Variants in CD80 observed in about 807,000 individuals in gnomAD.
The protein encoded by CD80 is T-lymphocyte activation antigen CD80.
A neutral mutation model predicts 27.1 loss-of-function variants in CD80; 13 were observed. That is an observed-to-expected ratio of 0.48 (90% confidence interval 0.31 to 0.76). The LOEUF is 0.76. Among genes scored for constraint, CD80 ranks in the 30% least tolerant of loss-of-function variants. The pLI is 0.04. For missense variants in CD80, 277 were observed against 347.9 expected (o/e 0.80, Z 1.62); for synonymous variants, 125 against 125.5 (o/e 1.00, Z 0.03).
rs751779725 is a variant in CD80, at chr3:119,557,775, C to G, written c.-47G>C. Reference sequence around the variant, plus strand: ...AAAGTGAAAGCCAACAATTTGGACCCAAGTAAGACCAGGGCACTTCCCAGG... The same window carrying G: ...AAAGTGAAAGCCAACAATTTGGACCGAAGTAAGACCAGGGCACTTCCCAGG... On this transcript the variant is annotated 5_prime_UTR_variant, in exon 2 of 7. Transcript: ENST00000264246. 7 of 1,415,630 alleles carry G rather than the reference C, an allele frequency of 4.9e-6. No homozygotes were observed. The African/African-American group carries it at 7.1e-5, about 14-fold the overall frequency. The allele number at this position is 1,415,630 out of a possible 1,614,324, so 87.7% of individuals were successfully genotyped here.
chr3:119,542,610 A>G (rs1406720628), intron 3 of CD80, among the ~76,000 whole-genome samples: 1 of 152,190 alleles, frequency 6.6e-6, no homozygotes, highest in Non-Finnish European at 1.5e-5. Context: ...TTGCAAAATT[A>G]TGACTGAGAC....
At chr3:119,549,816 A>G (rs2082221672) in intron 2 of CD80, among the ~76,000 whole-genome samples, 1 of 152,246 alleles carries the variant, frequency 6.6e-6, no homozygotes, top group Non-Finnish European at 1.5e-5. Context: ...AAAAAGACAT[A>G]CTTGAAGGGA....
chr3:119,534,197 C>T (rs1268702070), intron 4 of CD80, among the ~76,000 whole-genome samples: 1 of 151,856 alleles, frequency 6.6e-6, no homozygotes, highest in African/African-American at 2.4e-5. Context: ...TGGTGAAACC[C>T]CATCTCCACT....
Position 119,525,126 on chromosome 3 carries a change from C to A in CD80, c.*662G>T, listed in dbSNP as rs1406417821. On this transcript the variant is annotated 3_prime_UTR_variant, in exon 7 of 7. Transcript: ENST00000264246. ...AGGAAATTAGTTTTGGATAGTTCTC[C>A]TTTCTGCTGTACCTCATGGGGGAGT... The A allele has an allele frequency of 2.6e-5, 4 of 152,128 alleles. No homozygotes were observed. Among genetic ancestry groups the A allele is most frequent in the Admixed American group, 2.6e-4 (4 of 15,266 alleles). 9.4% of individuals were successfully genotyped at this position (152,128 alleles called of 1,614,324 possible). A position where few individuals can be genotyped will look rare whatever the true frequency, so the allele number is the denominator to read the frequency against.
intron 1 of CD80, among the ~76,000 whole-genome samples, chr3:119,559,122 A>G (rs2082279536): frequency 6.6e-6 from 1 of 152,222 alleles, no homozygotes; most frequent in Non-Finnish European, 1.5e-5. Flanking sequence ...CCACAGTCTC[A>G]ACCTCCCGAG....
intron 3 of CD80, among the ~76,000 whole-genome samples, chr3:119,543,684 C>A (rs2082184094): frequency 6.6e-6 from 1 of 152,070 alleles, no homozygotes; most frequent in African/African-American, 2.4e-5. Context: ...AAGCCATCCA[C>A]CCACCTTGGC....
chr3:119,556,073 C>T (rs1008535579), intron 2 of CD80, among the ~76,000 whole-genome samples: 2 of 152,164 alleles, frequency 1.3e-5, no homozygotes, highest in South Asian at 2.1e-4. Flanking sequence ...TTTGCATTTC[C>T]GCAACTAACA....
chr3:119,554,798 TAC>T (rs1432828532), intron 2 of CD80, among the ~76,000 whole-genome samples: 2 of 152,214 alleles, frequency 1.3e-5, no homozygotes, highest in Non-Finnish European at 1.5e-5. Flanking sequence ...TCACTAATTT[TAC>T]ATGGTACACA....
chr3:119,539,937 G>A (rs11921470), intron 3 of CD80, among the ~76,000 whole-genome samples: 14,502 of 152,172 alleles, frequency 0.095, 818 homozygotes, highest in Non-Finnish European at 0.12. Context: ...AAATGACATC[G>A]TTCATAGAAA....
intron 4 of CD80, among the ~76,000 whole-genome samples, chr3:119,535,812 C>A (rs2082134949): frequency 1.3e-5 from 2 of 152,110 alleles, no homozygotes; most frequent in South Asian, 4.1e-4. Flanking sequence ...GGGTGGCATG[C>A]CCTAAAAGAA....
At chr3:119,546,241 GACTA>G (rs534404733) in intron 2 of CD80, among the ~76,000 whole-genome samples, 109 of 152,260 alleles carry the variant, frequency 7.2e-4, no homozygotes, top group African/African-American at 2.6e-3. Context: ...AGTCAGTCCT[GACTA>G]AGGTTCTGGG....
At chr3:119,550,238 A>G (rs568948636) in intron 2 of CD80, among the ~76,000 whole-genome samples, 1 of 152,148 alleles carries the variant, frequency 6.6e-6, no homozygotes. Flanking sequence ...CCTCCCAATA[A>G]TAGGGTCTTT....
At chr3:119,535,594 T>A (rs1457193531) in intron 4 of CD80, among the ~76,000 whole-genome samples, 3 of 152,200 alleles carry the variant, frequency 2.0e-5, no homozygotes, top group Non-Finnish European at 4.4e-5. Context: ...TTGTATATTT[T>A]CAAATGATTT....
intron 2 of CD80, among the ~76,000 whole-genome samples, chr3:119,555,959 C>T (rs1191639549): frequency 6.6e-6 from 1 of 152,190 alleles, no homozygotes; most frequent in African/African-American, 2.4e-5. Context: ...TAAAGCCTGC[C>T]CTCCTTCCTG....
In CD80 at chr3:119,527,743, T is replaced by C. The variant is rs1207832102; in HGVS notation, c.*28A>G. On this transcript the variant is annotated 3_prime_UTR_variant, in exon 6 of 7. Coordinates refer to ENST00000264246, the MANE Select transcript of CD80 (RefSeq NM_005191.4). ...GATGACGGAGGCTACCTTCAGATCT[T>C]TTCAGCCCCTTGCTTCTGCGGACAC... 4 of 1,595,858 alleles carry C rather than the reference T, an allele frequency of 2.5e-6. No homozygotes were observed. Among genetic ancestry groups the C allele is most frequent in the South Asian group, 1.1e-5 (1 of 90,644 alleles).
At chr3:119,545,673 A>C (rs938171133) in intron 2 of CD80, among the ~76,000 whole-genome samples, 1 of 152,172 alleles carries the variant, frequency 6.6e-6, no homozygotes, top group Non-Finnish European at 1.5e-5. Flanking sequence ...AGCATATGAT[A>C]GGATTTCCTT....
chr3:119,526,874 C>T (rs1437476711), intron 6 of CD80, among the ~76,000 whole-genome samples: 1 of 152,092 alleles, frequency 6.6e-6, no homozygotes, highest in Non-Finnish European at 1.5e-5. Flanking sequence ...CAAAGCTGAA[C>T]TGTTTAGGGA....
chr3:119,557,994 T>A (rs2082273524), intron 1 of CD80, 66 bp from the exon 2 acceptor site: 1 of 279,634 alleles, frequency 3.6e-6, no homozygotes, highest in South Asian at 1.2e-4. Flanking sequence ...TGCAAAACTC[T>A]CGAGTTGCCT....
chr3:119,537,812 A>G (rs2082147601), intron 3 of CD80, among the ~76,000 whole-genome samples: 1 of 152,228 alleles, frequency 6.6e-6, no homozygotes, highest in South Asian at 2.1e-4. Flanking sequence ...AAAAACAACA[A>G]AACAAAACAA....
Sources: allele counts gnomAD v4.1 joint callset (sites outside exome capture counted in the v4.1 genomes callset), GRCh38; gene constraint gnomAD v4.1.1; transcripts MANE v1.5; gene names NCBI Gene and HGNC (gene_info 2026-07-23, HGNC 2026-07-21).